KHDRBS2: variants seen among roughly 807,000 people sequenced by gnomAD.
KHDRBS2 encodes the protein KH RNA binding domain containing, signal transduction associated 2, also known as KH domain-containing, RNA-binding, signal transduction-associated protein 2.
KHDRBS2 carries 26 observed loss-of-function variants against 44.3 expected under a neutral mutation model. That is an observed-to-expected ratio of 0.59 (90% CI 0.43 to 0.81). The LOEUF (loss-of-function observed/expected upper bound fraction) is 0.81, where lower values mean the gene tolerates loss of function less well. Ranked by LOEUF, KHDRBS2 falls within the 40% of genes least tolerant of loss-of-function variation. KHDRBS2 has a pLI of 0.00. For missense variants in KHDRBS2, 476 were observed against 433.1 expected, an observed-to-expected ratio of 1.10 and a Z score of -0.88; for synonymous variants, 194 against 151.1, an observed-to-expected ratio of 1.28 and a Z score of -2.08.
At chr6:61,607,519 G>GAAAAAAAAAAAAAAAAAAAAAAAAA in the KHDRBS2 span, among the ~76,000 whole-genome samples, 3 of 23,326 alleles carry the variant, frequency 1.3e-4, no homozygotes, top group African/African-American at 1.5e-4. Flanking sequence ...TGAGTTCCAA[G>GAAAAAAAAAAAAAAAAAAAAAAAAA]CAAAAAAAAA....
intron 4 of KHDRBS2, among the ~76,000 whole-genome samples, chr6:61,914,575 G>T (rs920378960): frequency 2.7e-4 from 41 of 151,910 alleles, no homozygotes; most frequent in African/African-American, 8.9e-4. Flanking sequence ...GAGTTAATGG[G>T]TGCAGCACAC....
At chr6:62,066,090 T>C (rs1486817998) in intron 2 of KHDRBS2, among the ~76,000 whole-genome samples, 1 of 151,702 alleles carries the variant, frequency 6.6e-6, no homozygotes. Context: ...TAGGGGTACA[T>C]TCTTCAAGCT....
intron 7 of KHDRBS2, among the ~76,000 whole-genome samples, chr6:61,697,912 C>T (rs1019356555): frequency 2.0e-5 from 3 of 152,130 alleles, no homozygotes; most frequent in African/African-American, 4.8e-5. Flanking sequence ...TGCCTATTAG[C>T]ACTCCAAAGT....
At chr6:61,750,795 A>G (rs1207691019) in intron 6 of KHDRBS2, among the ~76,000 whole-genome samples, 1 of 151,708 alleles carries the variant, frequency 6.6e-6, no homozygotes, top group Non-Finnish European at 1.5e-5. Context: ...GAGGCAATAC[A>G]TCATCACGGG....
At chr6:61,872,276 A>T (rs566494839) in intron 6 of KHDRBS2, among the ~76,000 whole-genome samples, 1 of 152,290 alleles carries the variant, frequency 6.6e-6, no homozygotes, top group South Asian at 2.1e-4. Flanking sequence ...AGCAGTTAAA[A>T]AAACTGGTAA....
chr6:61,894,855 T>C (rs1055521812), intron 5 of KHDRBS2, 22 bp from the exon 6 acceptor site: 5 of 1,575,830 alleles, frequency 3.2e-6, no homozygotes, highest in East Asian at 2.2e-5. Flanking sequence ...AAGTCATGTA[T>C]AGATGAGAAA....
At chr6:61,556,199 C>A in the KHDRBS2 span, among the ~76,000 whole-genome samples, 28 of 152,250 alleles carry the variant, frequency 1.8e-4, no homozygotes, top group Non-Finnish European at 3.7e-4. Flanking sequence ...TGCTGGCCAC[C>A]TTTGTGTGTG....
intron 2 of KHDRBS2, among the ~76,000 whole-genome samples, chr6:62,104,527 T>C (rs530575484): frequency 2.0e-5 from 3 of 152,332 alleles, no homozygotes; most frequent in Non-Finnish European, 4.4e-5. Context: ...TTGAAAAGTA[T>C]ATAATACATT....
In KHDRBS2 at chr6:61,993,841, T is replaced by C. The variant is rs116091378; in HGVS notation, c.337-15629A>G. Reference sequence around the variant, plus strand: ...TTATTTAAACCTTGTAATAGGTTAATGTTATCTGCATTTTGACTCTTAAGG... The same window carrying C: ...TTATTTAAACCTTGTAATAGGTTAACGTTATCTGCATTTTGACTCTTAAGG... On this transcript the variant is annotated intron_variant, in intron 3 of 8. Transcript: ENST00000281156. Among the ~76,000 whole-genome samples, 218 of 152,008 alleles carry C rather than the reference T, an allele frequency of 1.4e-3. 2 individuals are homozygous for C. The highest frequency in any genetic ancestry group is 5.0e-3 in the African/African-American group (208 of 41,512).
chr6:61,830,087 G>C (rs73476673), intron 6 of KHDRBS2, among the ~76,000 whole-genome samples: 2,267 of 152,206 alleles, frequency 0.015, 62 homozygotes, highest in African/African-American at 0.052. Context: ...TAGTCTGAGA[G>C]CCTGAAGGAA....
chr6:62,054,572 T>C (rs757040774), intron 2 of KHDRBS2, among the ~76,000 whole-genome samples: 12 of 152,166 alleles, frequency 7.9e-5, no homozygotes, highest in Middle Eastern at 6.8e-3. Flanking sequence ...CTAATGTCTT[T>C]TTAAAAGAAA....
At chr6:62,149,849 C>T (rs1317813008) in intron 2 of KHDRBS2, among the ~76,000 whole-genome samples, 1 of 152,068 alleles carries the variant, frequency 6.6e-6, no homozygotes, top group East Asian at 1.9e-4. Flanking sequence ...CAGCATAGGC[C>T]TAAATTAGAC....
chr6:61,606,640 G>A, the KHDRBS2 span, among the ~76,000 whole-genome samples: 1 of 152,158 alleles, frequency 6.6e-6, no homozygotes, highest in South Asian at 2.1e-4. Context: ...GAGAAAGAAA[G>A]AAAGGTATGG....
the KHDRBS2 span, among the ~76,000 whole-genome samples, chr6:61,545,093 A>AAAAAAAATTTT: frequency 2.6e-5 from 4 of 152,096 alleles, no homozygotes; most frequent in African/African-American, 9.6e-5. Flanking sequence ...AAAAAATTTT[A>AAAAAAAATTTT]AAAAAATTTG....
intron 2 of KHDRBS2, among the ~76,000 whole-genome samples, chr6:62,169,034 C>CATATAT (rs369570219): frequency 0.027 from 1,983 of 72,512 alleles, 61 homozygotes; most frequent in African/African-American, 0.036. Context: ...GTTCTCCAGT[C>CATATAT]ATATATATAT....
At chr6:61,646,449 G>A in the KHDRBS2 span, among the ~76,000 whole-genome samples, 3 of 152,120 alleles carry the variant, frequency 2.0e-5, no homozygotes, top group South Asian at 6.2e-4. Flanking sequence ...TTTCTTCTGT[G>A]TTGCTTTTTG....
chr6:61,810,341 A>C (rs1787913068), intron 6 of KHDRBS2, among the ~76,000 whole-genome samples: 1 of 152,036 alleles, frequency 6.6e-6, no homozygotes, highest in Non-Finnish European at 1.5e-5. Context: ...TGACCAATTC[A>C]ATAGCAGGCC....
intron 7 of KHDRBS2, among the ~76,000 whole-genome samples, chr6:61,711,046 C>T (rs925767335): frequency 6.6e-6 from 1 of 150,510 alleles, no homozygotes; most frequent in Non-Finnish European, 1.5e-5. Flanking sequence ...AAAGCCTGAG[C>T]AATACCTTAT....
chr6:61,547,717 C>T, the KHDRBS2 span, among the ~76,000 whole-genome samples: 3 of 152,154 alleles, frequency 2.0e-5, no homozygotes, highest in African/African-American at 7.2e-5. Context: ...TGCCAGTACT[C>T]TAGGTTCTTA....
Sources: allele counts gnomAD v4.1 joint callset (sites outside exome capture counted in the v4.1 genomes callset), GRCh38; gene constraint gnomAD v4.1.1; transcripts MANE v1.5; gene names NCBI Gene and HGNC (gene_info 2026-07-23, HGNC 2026-07-21).